The following WWOX variants were observed in gnomAD, a reference collection of about 807,000 sequenced individuals.
WWOX encodes the protein WW domain containing oxidoreductase.
A neutral mutation model predicts 46.2 loss-of-function variants in WWOX; 69 were observed. The ratio of observed to expected loss-of-function variants is 1.49; its 90% CI spans 1.23 to 1.82. The LOEUF (loss-of-function observed/expected upper bound fraction) is 1.82. Ranked by LOEUF, WWOX falls within the 40% of genes most tolerant of loss-of-function variation. The probability of loss-of-function intolerance (pLI) is 0.00; values close to 1 mark genes in which losing one functional copy is unlikely to be tolerated. For synonymous variants in WWOX, 359 were observed against 202.6 expected, an observed-to-expected ratio of 1.77 and a Z score of -6.56; for missense variants, 919 against 542.6, an observed-to-expected ratio of 1.69 and a Z score of -6.89.
chr16:79,034,722 T>G (rs1006357306), intron 8 of WWOX, among the ~76,000 whole-genome samples: 2 of 152,192 alleles, frequency 1.3e-5, no homozygotes, highest in African/African-American at 2.4e-5. Context: ...ACAAAAATAC[T>G]TCTCTGATCA....
chr16:79,036,082 G>A (rs926606538), intron 8 of WWOX, among the ~76,000 whole-genome samples: 1 of 152,054 alleles, frequency 6.6e-6, no homozygotes, highest in Admixed American at 6.6e-5. Context: ...CTGTTTTCCT[G>A]CTCTCTCCAT....
At chr16:78,884,200 G>T (rs1032895202) in intron 8 of WWOX, among the ~76,000 whole-genome samples, 1 of 150,426 alleles carries the variant, frequency 6.6e-6, no homozygotes, top group African/African-American at 2.5e-5. Context: ...TGAGCCCAGG[G>T]AGGTCAAGGC....
At chr16:78,241,679 A>T (rs1261869568) in intron 5 of WWOX, among the ~76,000 whole-genome samples, 1 of 152,102 alleles carries the variant, frequency 6.6e-6, no homozygotes, top group Non-Finnish European at 1.5e-5. Context: ...AGCTCAAATG[A>T]TCTGCCCACC....
chr16:78,551,514 G>C (rs575824956), intron 8 of WWOX: 1 of 152,304 alleles, frequency 6.6e-6, no homozygotes, highest in South Asian at 2.1e-4. Context: ...AAGGTGTTCT[G>C]TTCCTGTCTC....
At chr16:78,884,505 C>A (rs111955284) in intron 8 of WWOX, among the ~76,000 whole-genome samples, 159 of 152,138 alleles carry the variant, frequency 1.0e-3, no homozygotes, top group African/African-American at 3.7e-3. Flanking sequence ...GGAGACTACT[C>A]ACCAACAAGA....
chr16:78,883,785 C>G (rs190722734), intron 8 of WWOX, among the ~76,000 whole-genome samples: 26 of 151,754 alleles, frequency 1.7e-4, no homozygotes, highest in Admixed American at 1.6e-3. Flanking sequence ...GAGATGTTGA[C>G]ATTAGGGGAA....
At chr16:79,210,214 C>T (rs935919993) in intron 8 of WWOX, among the ~76,000 whole-genome samples, 7 of 152,226 alleles carry the variant, frequency 4.6e-5, no homozygotes, top group Admixed American at 3.9e-4. Context: ...ACTAGATATC[C>T]TGACACTGAA....
In WWOX at chr16:78,901,848, G is replaced by A. The variant is rs192846023; in HGVS notation, c.1057-309760G>A. Among the ~76,000 whole-genome samples the A allele has an allele frequency of 3.9e-3, 601 of 152,324 alleles. 1 individual carries two copies. Among genetic ancestry groups the A allele is most frequent in the Non-Finnish European group, 5.4e-3 (364 of 68,028 alleles). On this transcript the variant is annotated intron_variant, in intron 8 of 8. Transcript: ENST00000566780. ...CAAGTCTGTCGCTGCCCAGGATAGA[G>A]GAGGGATGACGTGAATTCACACGGG...
intron 8 of WWOX, among the ~76,000 whole-genome samples, chr16:79,079,903 A>T (rs2048728420): frequency 6.6e-6 from 1 of 152,188 alleles, no homozygotes; most frequent in African/African-American, 2.4e-5. Flanking sequence ...GCAGGCTGAA[A>T]ATAAGCGGAA....
intron 8 of WWOX, among the ~76,000 whole-genome samples, chr16:78,911,226 CA>C (rs1379483836): frequency 6.6e-6 from 1 of 151,968 alleles, no homozygotes; most frequent in African/African-American, 2.4e-5. Flanking sequence ...TTAATATTTC[CA>C]GAGCAATTTT....
intron 5 of WWOX, among the ~76,000 whole-genome samples, chr16:78,211,063 C>T (rs919389485): frequency 6.6e-6 from 1 of 152,182 alleles, no homozygotes; most frequent in East Asian, 1.9e-4. Context: ...GCAATTTCAG[C>T]CTCTAAAGTT....
At chr16:78,774,566 C>T (rs1414321254) in intron 8 of WWOX, among the ~76,000 whole-genome samples, 1 of 151,752 alleles carries the variant, frequency 6.6e-6, no homozygotes, top group Non-Finnish European at 1.5e-5. Flanking sequence ...GTACGTGTCC[C>T]CCTCCCCCCC....
At chr16:78,548,342 GA>G (rs34099700) in intron 8 of WWOX, among the ~76,000 whole-genome samples, 83 of 149,576 alleles carry the variant, frequency 5.5e-4, no homozygotes, top group African/African-American at 1.6e-3. Flanking sequence ...TGTTCCTAAA[GA>G]AAAAAAAAAT....
chr16:78,866,980 C>A (rs1175753860), intron 8 of WWOX, among the ~76,000 whole-genome samples: 1 of 152,176 alleles, frequency 6.6e-6, no homozygotes, highest in Non-Finnish European at 1.5e-5. Flanking sequence ...CAAAGGGTTT[C>A]AAATTTGTGA....
At chr16:78,768,463 G>A (rs543145090) in intron 8 of WWOX, among the ~76,000 whole-genome samples, 42 of 151,754 alleles carry the variant, frequency 2.8e-4, no homozygotes, top group African/African-American at 9.9e-4. Context: ...GGTGGCGCAC[G>A]CCTGTAATCC....
At chr16:79,051,896 T>C (rs2048174249) in intron 8 of WWOX, among the ~76,000 whole-genome samples, 1 of 152,252 alleles carries the variant, frequency 6.6e-6, no homozygotes, top group Admixed American at 6.5e-5. Flanking sequence ...GGCATGCTTA[T>C]ACTGGTCCAA....
chr16:79,089,423 C>G (rs1174340567), intron 8 of WWOX, among the ~76,000 whole-genome samples: 1 of 151,414 alleles, frequency 6.6e-6, no homozygotes, highest in Non-Finnish European at 1.5e-5. Flanking sequence ...CCTCCTCCTC[C>G]TGGGTTCAAG....
chr16:78,915,313 A>C (rs1342574843), intron 8 of WWOX, among the ~76,000 whole-genome samples: 1 of 152,208 alleles, frequency 6.6e-6, no homozygotes, highest in Non-Finnish European at 1.5e-5. Context: ...GGCTGGTCCA[A>C]TTCCATAAGA....
intron 8 of WWOX, among the ~76,000 whole-genome samples, chr16:78,497,352 C>T (rs555169831): frequency 6.6e-6 from 1 of 152,292 alleles, no homozygotes; most frequent in Admixed American, 6.5e-5. Context: ...TAAGATCTGA[C>T]AGTGTAAAAT....
Sources: gnomAD v4.1 joint callset for allele counts (sites outside exome capture counted in the v4.1 genomes callset) on GRCh38, gnomAD v4.1.1 for gene constraint, MANE v1.5 for transcripts, NCBI Gene and HGNC (gene_info 2026-07-23, HGNC 2026-07-21) for gene names.